PIK3R3: variants seen among roughly 807,000 people sequenced by gnomAD.
The protein encoded by PIK3R3 is phosphatidylinositol 3-kinase regulatory subunit gamma.
In PIK3R3, 64 loss-of-function variants were observed where a neutral mutation model predicts 62.9. The observed-to-expected ratio is 1.02, with a 90% CI of 0.83 to 1.25. PIK3R3 has a LOEUF of 1.25. Ranked by LOEUF, PIK3R3 falls within the 50% of genes most tolerant of loss-of-function variation. The pLI is 0.00. For missense variants in PIK3R3, 614 were observed against 561.6 expected (o/e 1.09, Z -0.94); for synonymous variants, 165 against 189.0 (o/e 0.87, Z 1.04).
At chr1:46,145,914 A>T in the PIK3R3 span, among the ~76,000 whole-genome samples, 1,256 of 152,272 alleles carry the variant, frequency 8.2e-3, 53 homozygotes, top group East Asian at 0.13. Context: ...TCAGGATACT[A>T]AGCATAGTTG....
At chr1:46,142,043 A>T in the PIK3R3 span, among the ~76,000 whole-genome samples, 4 of 152,268 alleles carry the variant, frequency 2.6e-5, no homozygotes, top group South Asian at 6.2e-4. Flanking sequence ...CTTTTACTTG[A>T]CAGAAATCAA....
chr1:46,162,265 T>A, the PIK3R3 span, among the ~76,000 whole-genome samples: 1 of 151,978 alleles, frequency 6.6e-6, no homozygotes, highest in Non-Finnish European at 1.5e-5. Context: ...GGGGGACCAC[T>A]TGAGCCCAGG....
intron 7 of PIK3R3, among the ~76,000 whole-genome samples, chr1:46,053,360 C>T (rs182278872): frequency 6.6e-6 from 1 of 152,080 alleles, no homozygotes; most frequent in East Asian, 1.9e-4. Context: ...TTTATACAAC[C>T]CATTAAAGAA....
chr1:46,164,442 G>A, the PIK3R3 span, among the ~76,000 whole-genome samples: 9 of 152,118 alleles, frequency 5.9e-5, no homozygotes, highest in Middle Eastern at 0.01. Context: ...CTCTTCACAG[G>A]TCTCCTTGAC....
intron 6 of PIK3R3, 68 bp from the exon 7 acceptor site, chr1:46,056,039 C>A: frequency 2.0e-6 from 2 of 1,013,258 alleles, no homozygotes; most frequent in Non-Finnish European, 1.4e-6. Context: ...TGGGTGAGCA[C>A]GGTCCTAATA....
intron 1 of PIK3R3, among the ~76,000 whole-genome samples, chr1:46,096,676 C>T (rs1008532197): frequency 6.6e-6 from 1 of 151,956 alleles, no homozygotes; most frequent in African/African-American, 2.4e-5. Flanking sequence ...GCAGGCCGAT[C>T]ACCCGAGGTC....
intron 3 of PIK3R3, among the ~76,000 whole-genome samples, chr1:46,073,287 G>A (rs1649717280): frequency 6.6e-6 from 1 of 152,120 alleles, no homozygotes; most frequent in African/African-American, 2.4e-5. Context: ...CTGGAATCCA[G>A]TTATTCCCAT....
At chr1:46,143,746 G>T in the PIK3R3 span, among the ~76,000 whole-genome samples, 1 of 152,178 alleles carries the variant, frequency 6.6e-6, no homozygotes, top group African/African-American at 2.4e-5. Context: ...GCCTCCCAAA[G>T]TTCTGGGATT....
chr1:46,048,306 C>T (rs538034193), intron 7 of PIK3R3: 3 of 152,328 alleles, frequency 2.0e-5, no homozygotes, highest in African/African-American at 7.2e-5. Flanking sequence ...AACTTGGCAT[C>T]ACACCTAATT....
intron 3 of PIK3R3, among the ~76,000 whole-genome samples, chr1:46,076,858 A>C (rs1403808979): frequency 6.6e-6 from 1 of 152,194 alleles, no homozygotes; most frequent in East Asian, 1.9e-4. Flanking sequence ...GCCTTAGTAC[A>C]AGAAAGTTAG....
rs1031388121 is a variant in PIK3R3, at chr1:46,045,617, C to CTTTTTTTTTTTTTTTTT, written c.1187+284_1187+300dup. 9.4e-5 allele frequency among the ~76,000 whole-genome samples: 2 copies of CTTTTTTTTTTTTTTTTT among 21,204 alleles called. 1 individual carries two copies. The highest frequency in any genetic ancestry group is 4.4e-4 in the African/African-American group (2 of 4,556). 13.9% of individuals were successfully genotyped at this position (21,204 alleles called of 152,430 possible). On this transcript the variant is annotated intron_variant, in intron 9 of 9. Coordinates refer to ENST00000262741, the MANE Select transcript of PIK3R3 (RefSeq NM_003629.4). ...TAGGATACTACTAAACAATTAAGTG[C>CTTTTTTTTTTTTTTTTT]TTTTTTTTTTTTTTTTTTTTTTTTT...
intron 6 of PIK3R3, among the ~76,000 whole-genome samples, chr1:46,057,614 G>A (rs762327488): frequency 2.0e-5 from 3 of 152,166 alleles, no homozygotes; most frequent in Admixed American, 6.5e-5. Flanking sequence ...TTGTGAACTG[G>A]AGCAAAGGTG....
chr1:46,101,238 G>A (rs1009295774), intron 1 of PIK3R3, among the ~76,000 whole-genome samples: 3 of 151,622 alleles, frequency 2.0e-5, no homozygotes, highest in African/African-American at 7.3e-5. Context: ...GCTCACGCCT[G>A]TAATCCCAGC....
chr1:46,061,565 C>T (rs1409419563), intron 6 of PIK3R3, among the ~76,000 whole-genome samples: 1 of 152,162 alleles, frequency 6.6e-6, no homozygotes, highest in East Asian at 1.9e-4. Flanking sequence ...TGCCTACTCT[C>T]AATGAGTTTA....
At chr1:46,163,677 A>G in the PIK3R3 span, among the ~76,000 whole-genome samples, 2 of 152,060 alleles carry the variant, frequency 1.3e-5, no homozygotes, top group African/African-American at 2.4e-5. Flanking sequence ...CCCCCAAGGA[A>G]CCATGGCCCT....
rs1452404252 is a variant in PIK3R3, at chr1:46,100,704, T to G, written c.107-19954A>C. On this transcript the variant is annotated intron_variant, in intron 1 of 9. Transcript: ENST00000262741. Reference sequence around the variant, plus strand: ...TAAATTAATTTGGAAAGAACTGACATGTTTATGTCACTGGGTCTTCCTATC... The same window carrying G: ...TAAATTAATTTGGAAAGAACTGACAGGTTTATGTCACTGGGTCTTCCTATC... 1.1e-4 allele frequency among the ~76,000 whole-genome samples: 17 copies of G among 152,292 alleles called. No individual in the cohort carries two copies. The South Asian group carries it at 3.5e-3, about 32-fold the overall frequency.
rs1227259718 is a variant in PIK3R3 at position 46,042,598 on chromosome 1, T to C, written c.*1075A>G. The C allele has an allele frequency of 9.0e-6, 2 of 221,226 alleles. No homozygotes were observed. The highest frequency in any genetic ancestry group is 1.3e-4 in the East Asian group (2 of 15,052). 13.7% of individuals were successfully genotyped at this position (221,226 alleles called of 1,614,324 possible). A position where few individuals can be genotyped will look rare whatever the true frequency, so the allele number is the denominator to read the frequency against. On this transcript the variant is annotated 3_prime_UTR_variant, in exon 10 of 10. Transcript: ENST00000262741. The surrounding 1 kb of genome is among the most constrained non-coding windows in gnomAD (Gnocchi z 4.3). Reference sequence around the variant, plus strand: ...GGAAATGAAGGGAAATTAAACCATGTTTACTATTTCTGCAGGGCCTTTAAA... The same window carrying C: ...GGAAATGAAGGGAAATTAAACCATGCTTACTATTTCTGCAGGGCCTTTAAA...
In PIK3R3 at chr1:46,066,018, C is replaced by T. The variant is rs772588199; in HGVS notation, c.621+36G>A. The T allele has an allele frequency of 6.8e-5, 107 of 1,582,816 alleles. 7 individuals carry two copies. The Middle Eastern group carries it at 1.8e-3, about 27-fold the overall frequency. Reference sequence around the variant, plus strand: ...AAAATTTGATGTAACTAAAACATTGCACACATATTAGTCAAAAACAACATA... The same window carrying T: ...AAAATTTGATGTAACTAAAACATTGTACACATATTAGTCAAAAACAACATA... On this transcript the variant is annotated intron_variant, in intron 5 of 9. Coordinates refer to ENST00000262741, the MANE Select transcript of PIK3R3 (RefSeq NM_003629.4).
chr1:46,159,738 TACAC>T, the PIK3R3 span, among the ~76,000 whole-genome samples: 969 of 147,736 alleles, frequency 6.6e-3, 7 homozygotes, highest in East Asian at 0.028. Flanking sequence ...ATGAGTACCA[TACAC>T]ACACACACAC....
Sources: gnomAD v4.1 joint callset for allele counts (sites outside exome capture counted in the v4.1 genomes callset) on GRCh38, gnomAD v4.1.1 for gene constraint, Gnocchi (gnomAD v3.1) non-coding constraint, MANE v1.5 for transcripts, NCBI Gene and HGNC (gene_info 2026-07-23, HGNC 2026-07-21) for gene names.